PPARG: variants seen among roughly 807,000 people sequenced by gnomAD.
PPARG encodes peroxisome proliferator activated receptor gamma, also known as peroxisome proliferator-activated receptor gamma.
A neutral mutation model predicts 39.2 loss-of-function variants in PPARG; 17 were observed. The ratio of observed to expected loss-of-function variants is 0.43; its 90% CI spans 0.30 to 0.65. The LOEUF (loss-of-function observed/expected upper bound fraction) is 0.65. Ranked by LOEUF, PPARG falls within the 30% of genes least tolerant of loss-of-function variation. PPARG has a pLI of 0.13. For missense variants in PPARG, 406 were observed against 585.9 expected, an observed-to-expected ratio of 0.69 and a Z score of 3.17; for synonymous variants, 223 against 215.7, an observed-to-expected ratio of 1.03 and a Z score of -0.30.
At chr3:12,406,292 T>C in intron 6 of PPARG, 1 of 612,938 alleles carries the variant, frequency 1.6e-6, no homozygotes, top group East Asian at 3.0e-5. Context: ...GAAAAGTCCA[T>C]AAAGTTTTTG....
chr3:12,413,453 A>G (rs1475829478), intron 6 of PPARG, among the ~76,000 whole-genome samples: 3 of 152,186 alleles, frequency 2.0e-5, no homozygotes, highest in African/African-American at 7.2e-5. Context: ...GTTCATTTGC[A>G]TGTCAACACC....
intron 2 of PPARG, among the ~76,000 whole-genome samples, chr3:12,327,091 C>T (rs918514988): frequency 6.6e-6 from 1 of 151,892 alleles, no homozygotes; most frequent in Admixed American, 6.6e-5. Flanking sequence ...TGGGAGTTAC[C>T]TTGAAAGAGA....
intron 2 of PPARG, among the ~76,000 whole-genome samples, chr3:12,345,682 C>T (rs1298035341): frequency 6.6e-6 from 1 of 152,132 alleles, no homozygotes; most frequent in African/African-American, 2.4e-5. Flanking sequence ...AATCTCCCTC[C>T]TATTAAGTTT....
chr3:12,377,904 A>G (rs2049477671), intron 2 of PPARG, among the ~76,000 whole-genome samples: 1 of 152,220 alleles, frequency 6.6e-6, no homozygotes, highest in Non-Finnish European at 1.5e-5. Flanking sequence ...CAAAATATGT[A>G]AGAAACTCAA....
chr3:12,375,479 C>A (rs2049374577), intron 2 of PPARG, among the ~76,000 whole-genome samples: 1 of 152,154 alleles, frequency 6.6e-6, no homozygotes, highest in South Asian at 2.1e-4. Context: ...ATTCTGTATG[C>A]AGAAAACTTT....
rs575157754 is a variant in PPARG at position 12,328,246 on chromosome 3, G to A, written c.-9+15793G>A. ...GTTAAGGAAGCTGAGAACAACATCC[G>A]GGAGATGCTGATGGCACGAAGGGCC... On this transcript the variant is annotated intron_variant, in intron 2 of 7. Transcript: ENST00000651735. 7.9e-5 allele frequency: 120 copies of A among 1,524,856 alleles called. No individual in the cohort carries two copies. The African/African-American group carries it at 1.5e-3, about 19-fold the overall frequency. 94.5% of individuals were successfully genotyped at this position (1,524,856 alleles called of 1,614,324 possible). A position where few individuals can be genotyped will look rare whatever the true frequency, so the allele number is the denominator to read the frequency against.
intron 2 of PPARG, among the ~76,000 whole-genome samples, chr3:12,358,233 C>A (rs569008174): frequency 6.6e-6 from 1 of 152,256 alleles, no homozygotes; most frequent in African/African-American, 2.4e-5. Context: ...ATCTACCCAC[C>A]TTTTGATACT....
chr3:12,288,231 C>T (rs1226094758), upstream of PPARG, among the ~76,000 whole-genome samples: 1 of 151,396 alleles, frequency 6.6e-6, no homozygotes, highest in African/African-American at 2.4e-5. Context: ...TCCGGCAGGA[C>T]CCGGACTGAC....
intron 2 of PPARG, chr3:12,371,969 G>A: frequency 2.8e-6 from 2 of 715,802 alleles, no homozygotes; most frequent in South Asian, 3.0e-5. Context: ...GTAAGGATGG[G>A]CTGGATAAAC....
chr3:12,308,075 T>TA (rs1397921357), intron 1 of PPARG, among the ~76,000 whole-genome samples: 1 of 151,860 alleles, frequency 6.6e-6, no homozygotes, highest in Non-Finnish European at 1.5e-5. Flanking sequence ...TAAGGTAGGA[T>TA]AATAGGAGGC....
intron 2 of PPARG, among the ~76,000 whole-genome samples, chr3:12,359,504 G>A (rs1350574176): frequency 2.0e-5 from 3 of 152,024 alleles, no homozygotes; most frequent in Non-Finnish European, 4.4e-5. Context: ...TCCAAACATA[G>A]TAACTTCCCA....
chr3:12,354,056 G>A (rs1047293099), intron 2 of PPARG, among the ~76,000 whole-genome samples: 1 of 152,122 alleles, frequency 6.6e-6, no homozygotes, highest in African/African-American at 2.4e-5. Flanking sequence ...CCTTCAAAAC[G>A]AGTCTCTCCT....
chr3:12,416,007 A>G (rs2125282026), intron 6 of PPARG, among the ~76,000 whole-genome samples: 1 of 152,308 alleles, frequency 6.6e-6, no homozygotes, highest in African/African-American at 2.4e-5. Flanking sequence ...AGTTGCTGAA[A>G]TGGTTTTTTA....
intron 2 of PPARG, among the ~76,000 whole-genome samples, chr3:12,374,704 A>G (rs1161779643): frequency 7.9e-5 from 12 of 152,318 alleles, no homozygotes; most frequent in Non-Finnish European, 1.6e-4. Context: ...ATATTGGTTC[A>G]TCAGTTATAG....
chr3:12,408,198 T>C (rs994158764), intron 6 of PPARG, among the ~76,000 whole-genome samples: 2 of 152,214 alleles, frequency 1.3e-5, no homozygotes, highest in African/African-American at 2.4e-5. Context: ...GAGAAAACTT[T>C]CCATGATTGT....
rs34132377 is a variant in PPARG, at chr3:12,433,490, G to A, written c.1181-408G>A. Among the ~76,000 whole-genome samples the A allele has an allele frequency of 3.9e-3, 578 of 148,990 alleles. 1 individual carries two copies. Among genetic ancestry groups the A allele is most frequent in the African/African-American group, 0.013 (530 of 40,096 alleles). ...GAGGCATAGGTTGTAGTGAGCCGAC[G>A]TCATGCCACTGCACTCCAGCCTGGA... is the stretch of plus-strand genomic sequence containing the variant. On this transcript the variant is annotated intron_variant, in intron 7 of 7. Transcript: ENST00000651735.
intron 2 of PPARG, among the ~76,000 whole-genome samples, chr3:12,344,011 C>G (rs928520154): frequency 1.7e-4 from 25 of 151,212 alleles, no homozygotes; most frequent in African/African-American, 5.9e-4. Flanking sequence ...CAAGCATGTG[C>G]CATCACACCC....
intron 7 of PPARG, among the ~76,000 whole-genome samples, chr3:12,422,099 T>A (rs948820106): frequency 4.6e-4 from 70 of 152,356 alleles, no homozygotes; most frequent in Admixed American, 2.3e-3. Context: ...ATAGATTTTT[T>A]AAAAATTTGT....
chr3:12,363,871 T>G (rs2048930961), intron 2 of PPARG, among the ~76,000 whole-genome samples: 1 of 152,180 alleles, frequency 6.6e-6, no homozygotes, highest in Non-Finnish European at 1.5e-5. Flanking sequence ...ACCGTTCTTC[T>G]TCTTTTTTAT....
Sources: gnomAD v4.1 joint callset for allele counts (sites outside exome capture counted in the v4.1 genomes callset) on GRCh38, gnomAD v4.1.1 for gene constraint, MANE v1.5 for transcripts, NCBI Gene and HGNC (gene_info 2026-07-23, HGNC 2026-07-21) for gene names.